UBA6: variants seen among roughly 807,000 people sequenced by gnomAD.
UBA6 encodes ubiquitin-like modifier-activating enzyme 6.
In UBA6, 87 loss-of-function variants were observed where a neutral mutation model predicts 148.3. The observed-to-expected ratio is 0.59, with a 90% CI of 0.49 to 0.70. The LOEUF (loss-of-function observed/expected upper bound fraction) is 0.70. Among genes scored for constraint, UBA6 ranks in the 30% least tolerant of loss-of-function variants. The pLI is 0.00. For missense variants in UBA6, 1,186 were observed against 1,241.2 expected, an observed-to-expected ratio of 0.96 and a Z score of 0.67; for synonymous variants, 376 against 401.0, an observed-to-expected ratio of 0.94 and a Z score of 0.75.
chr4:67,645,254 T>C (rs969200737), intron 16 of UBA6, among the ~76,000 whole-genome samples: 3 of 150,072 alleles, frequency 2.0e-5, no homozygotes, highest in African/African-American at 7.4e-5. Flanking sequence ...GCAGGGAGAG[T>C]TGTTTTATGT....
chr4:67,651,432 G>C (rs761182230), intron 13 of UBA6, among the ~76,000 whole-genome samples: 2 of 152,056 alleles, frequency 1.3e-5, no homozygotes. Context: ...ATTAGATGAA[G>C]ACAAAGATTA....
At chr4:67,689,550 T>C (rs910003169) in intron 2 of UBA6, among the ~76,000 whole-genome samples, 2 of 152,108 alleles carry the variant, frequency 1.3e-5, no homozygotes, top group African/African-American at 4.8e-5. Context: ...TCTAACTTTT[T>C]TGGCTGTCAG....
In UBA6 at chr4:67,701,135, C is replaced by T. The variant is rs1451331301; in HGVS notation, c.-16G>A. ...ATCCTTCCATTGCCGCCTGAGACAC[C>T]GCCGCCGGCTACTGGAAGGTAGGAA... is the stretch of plus-strand genomic sequence containing the variant. On this transcript the variant is annotated 5_prime_UTR_variant, in exon 1 of 33. Transcript: ENST00000322244. The T allele has an allele frequency of 1.2e-6, 2 of 1,611,382 alleles. No individual in the cohort carries two copies. The highest frequency in any genetic ancestry group is 2.2e-5 in the South Asian group (2 of 91,054).
intron 1 of UBA6, among the ~76,000 whole-genome samples, chr4:67,699,988 A>C (rs970798605): frequency 1.3e-5 from 2 of 152,216 alleles, no homozygotes; most frequent in Non-Finnish European, 2.9e-5. Context: ...CGGGGGCAAT[A>C]GGCCTGGTGG....
intron 26 of UBA6, among the ~76,000 whole-genome samples, chr4:67,629,379 T>G (rs1728945506): frequency 6.6e-6 from 1 of 151,904 alleles, no homozygotes; most frequent in African/African-American, 2.4e-5. Flanking sequence ...AACTTGAAAT[T>G]TTAGTCCTTC....
At chr4:67,699,859 C>T (rs553448279) in intron 1 of UBA6, among the ~76,000 whole-genome samples, 2 of 152,220 alleles carry the variant, frequency 1.3e-5, no homozygotes, top group South Asian at 2.1e-4. Flanking sequence ...CTGCTTCGAC[C>T]TCCCAAAGCG....
At chr4:67,676,142 G>C (rs1020893399) in intron 6 of UBA6, among the ~76,000 whole-genome samples, 1 of 150,214 alleles carries the variant, frequency 6.7e-6, no homozygotes, top group Non-Finnish European at 1.5e-5. Flanking sequence ...TCCTGCCTCA[G>C]CCTCCCGAGT....
intron 2 of UBA6, among the ~76,000 whole-genome samples, chr4:67,685,168 T>C (rs923061757): frequency 4.6e-5 from 7 of 152,040 alleles, no homozygotes; most frequent in African/African-American, 7.3e-5. Context: ...GTCTCAATTT[T>C]TTAGTCATTT....
chr4:67,637,300 C>T (rs1181818638), intron 19 of UBA6, among the ~76,000 whole-genome samples: 5 of 150,834 alleles, frequency 3.3e-5, no homozygotes, highest in South Asian at 4.2e-4. Flanking sequence ...CCAGCCGCCC[C>T]GTCCGGGAGG....
At chr4:67,621,435 AC>A (rs1728747562) in intron 32 of UBA6, among the ~76,000 whole-genome samples, 1 of 152,244 alleles carries the variant, frequency 6.6e-6, no homozygotes, top group Non-Finnish European at 1.5e-5. Context: ...TGCTTGAGAT[AC>A]AACAGTGACA....
chr4:67,639,699 C>T (rs1293120060), intron 18 of UBA6, among the ~76,000 whole-genome samples: 3 of 152,108 alleles, frequency 2.0e-5, no homozygotes, highest in African/African-American at 7.2e-5. Context: ...GTACCAAACC[C>T]TATATATACT....
Position 67,626,341 on chromosome 4 carries a change from TA to T in UBA6, c.2518+18del, listed in dbSNP as rs770204653. The T allele has an allele frequency of 1.3e-6, 2 of 1,520,172 alleles. No homozygotes were observed. Among genetic ancestry groups the T allele is most frequent in the South Asian group, 2.3e-5 (2 of 88,676 alleles). 94.2% of individuals were successfully genotyped at this position (1,520,172 alleles called of 1,614,324 possible). On this transcript the variant is annotated intron_variant, in intron 28 of 32. Coordinates refer to ENST00000322244, the MANE Select transcript of UBA6 (RefSeq NM_018227.6). The stretch of plus-strand genomic sequence containing the variant: ...AAACTCATCCAGTTCAAAACATTTT[TA>T]TAAAGATTTTCCCTTACTTTTGGTG...
intron 7 of UBA6, among the ~76,000 whole-genome samples, chr4:67,672,313 G>A (rs1271806656): frequency 2.0e-5 from 3 of 152,102 alleles, no homozygotes; most frequent in African/African-American, 7.2e-5. Flanking sequence ...TCAGAGCAAG[G>A]ATATCACCAC....
intron 18 of UBA6, among the ~76,000 whole-genome samples, chr4:67,640,482 A>T (rs1332054912): frequency 6.6e-6 from 1 of 152,098 alleles, no homozygotes; most frequent in Non-Finnish European, 1.5e-5. Flanking sequence ...TTTTTTTAAA[A>T]CTTTTTTTTA....
rs374562239 is a variant in UBA6 at position 67,668,553 on chromosome 4, G to C, written c.791C>G (p.Thr264Arg). ...TGLNGSIQQI[T>R]VISPFSFSIG... ...ATTAATAAAACACATTGACTTACCC[G>C]TTATTTGTTGTATAGATCCATTTAA... Residue 264 changes from threonine (T) to arginine (R), a missense_variant and splice_region_variant, in exon 9 of 33, where the codon ACG becomes AGG. By Grantham distance (71) the Thr-to-Arg change is moderately conservative. Transcript: ENST00000322244. The C allele has an allele frequency of 1.1e-5, 17 of 1,607,684 alleles. No homozygotes were observed. The East Asian group carries it at 2.0e-4, about 19-fold the overall frequency.
At chr4:67,673,881 G>T in intron 6 of UBA6, 104 bp from the exon 7 acceptor site, 2 of 635,998 alleles carry the variant, frequency 3.1e-6, no homozygotes, top group Non-Finnish European at 5.2e-6. Context: ...AAGACACATC[G>T]CTAATCTCAT....
intron 2 of UBA6, among the ~76,000 whole-genome samples, chr4:67,692,294 T>C (rs1577842885): frequency 6.6e-6 from 1 of 152,282 alleles, no homozygotes; most frequent in African/African-American, 2.4e-5. Context: ...TCTACCTGAA[T>C]AGGTTTTTAA....
At chr4:67,673,862 G>C (rs913802944) in intron 6 of UBA6, 85 bp from the exon 7 acceptor site, 45 of 955,930 alleles carry the variant, frequency 4.7e-5, no homozygotes, top group Non-Finnish European at 6.8e-5. Flanking sequence ...GTCAGTTTGC[G>C]TTGTGCTAAA....
intron 17 of UBA6, among the ~76,000 whole-genome samples, chr4:67,641,453 G>T (rs1190282541): frequency 6.6e-6 from 1 of 152,114 alleles, no homozygotes; most frequent in Non-Finnish European, 1.5e-5. Flanking sequence ...CAAAATAGCT[G>T]AGGCCAATTG....
Sources: gnomAD v4.1 joint callset for allele counts (sites outside exome capture counted in the v4.1 genomes callset) on GRCh38, gnomAD v4.1.1 for gene constraint, MANE v1.5 for transcripts, NCBI Gene and HGNC (gene_info 2026-07-23, HGNC 2026-07-21) for gene names.